SRBD1: variants seen among roughly 807,000 people sequenced by gnomAD.
The protein encoded by SRBD1 is S1 RNA-binding domain-containing protein 1.
In SRBD1, 88 loss-of-function variants were observed where a neutral mutation model predicts 115.3. The observed-to-expected ratio is 0.76, with a 90% confidence interval of 0.64 to 0.91. The LOEUF is 0.91. SRBD1 is among the 40% of genes least tolerant of loss of function. The pLI is 0.00. For missense variants in SRBD1, 1,385 were observed against 1,177.4 expected, an observed-to-expected ratio of 1.18 and a Z score of -2.58; for synonymous variants, 509 against 407.7, an observed-to-expected ratio of 1.25 and a Z score of -2.99.
At chr2:45,481,313 G>T (rs1024981118) in intron 15 of SRBD1, among the ~76,000 whole-genome samples, 1 of 152,102 alleles carries the variant, frequency 6.6e-6, no homozygotes, top group African/African-American at 2.4e-5. Flanking sequence ...GCGTTATTTA[G>T]TGGACAGTAA....
intron 18 of SRBD1, among the ~76,000 whole-genome samples, chr2:45,413,832 T>C (rs975355282): frequency 1.3e-5 from 2 of 152,006 alleles, no homozygotes; most frequent in Non-Finnish European, 2.9e-5. Context: ...CTTGGGAGGC[T>C]GAGGCAGGAG....
intron 16 of SRBD1, among the ~76,000 whole-genome samples, chr2:45,460,259 A>G (rs1458793879): frequency 6.6e-6 from 1 of 152,134 alleles, no homozygotes; most frequent in African/African-American, 2.4e-5. Flanking sequence ...ATGCCCGTAA[A>G]TTTGTATTTT....
At chr2:45,438,982 C>T (rs1668581418) in intron 16 of SRBD1, among the ~76,000 whole-genome samples, 1 of 151,886 alleles carries the variant, frequency 6.6e-6, no homozygotes, top group Non-Finnish European at 1.5e-5. Context: ...TCAAAGTAGC[C>T]AGAGAGAATG....
intron 19 of SRBD1, among the ~76,000 whole-genome samples, chr2:45,397,768 T>A (rs1416509942): frequency 6.6e-6 from 1 of 152,116 alleles, no homozygotes; most frequent in Non-Finnish European, 1.5e-5. Context: ...TTTTATTTTT[T>A]AAAAATGTTT....
chr2:45,458,956 A>T (rs1669231848), intron 16 of SRBD1, among the ~76,000 whole-genome samples: 1 of 152,168 alleles, frequency 6.6e-6, no homozygotes, highest in Admixed American at 6.5e-5. Context: ...TAATTACATG[A>T]TGAGAAACAG....
intron 1 of SRBD1, among the ~76,000 whole-genome samples, chr2:45,607,584 T>C (rs894524491): frequency 1.3e-5 from 2 of 151,818 alleles, no homozygotes; most frequent in Non-Finnish European, 2.9e-5. Flanking sequence ...AAGCCAGTAG[T>C]GGGAGCATAT....
intron 16 of SRBD1, among the ~76,000 whole-genome samples, chr2:45,431,673 T>C (rs1668341913): frequency 6.6e-6 from 1 of 152,162 alleles, no homozygotes; most frequent in Admixed American, 6.5e-5. Flanking sequence ...AAATACCTAA[T>C]GTGGATGATG....
At chr2:45,607,757 T>A (rs1674317881) in intron 1 of SRBD1, among the ~76,000 whole-genome samples, 1 of 152,208 alleles carries the variant, frequency 6.6e-6, no homozygotes, top group Non-Finnish European at 1.5e-5. Flanking sequence ...ATTAGGCAAC[T>A]GCCCCAGGAA....
chr2:45,454,318 G>T (rs564432315), intron 16 of SRBD1, among the ~76,000 whole-genome samples: 57 of 151,980 alleles, frequency 3.8e-4, no homozygotes, highest in African/African-American at 1.2e-3. Context: ...TCAATCTCAG[G>T]TGGTGGTAAA....
rs201226418 is a variant in SRBD1 at position 45,414,695 on chromosome 2, CAT to C, written c.2334-1404_2334-1403del. The stretch of plus-strand genomic sequence containing the variant: ...TATATAGTATGTATATACACACACA[CAT>C]AGTGTGTATATAGTATGTATATACA... On this transcript the variant is annotated intron_variant, in intron 18 of 20. Transcript: ENST00000263736. Among the ~76,000 whole-genome samples the C allele has an allele frequency of 6.5e-3, 871 of 133,874 alleles. 35 individuals are homozygous for C. Among genetic ancestry groups the C allele is most frequent in the African/African-American group, 0.016 (581 of 35,360 alleles). 87.8% of individuals were successfully genotyped at this position (133,874 alleles called of 152,430 possible). A position where few individuals can be genotyped will look rare whatever the true frequency, so the allele number is the denominator to read the frequency against.
chr2:45,554,690 A>C (rs1672416802), intron 10 of SRBD1, among the ~76,000 whole-genome samples: 1 of 152,198 alleles, frequency 6.6e-6, no homozygotes, highest in Non-Finnish European at 1.5e-5. Flanking sequence ...ACCTTATAAA[A>C]TTAATCAGGA....
At chr2:45,595,039 C>A (rs1044663381) in intron 4 of SRBD1, among the ~76,000 whole-genome samples, 2 of 152,134 alleles carry the variant, frequency 1.3e-5, no homozygotes, top group Non-Finnish European at 2.9e-5. Context: ...TAAAACCAAC[C>A]CCCCTGCTTA....
chr2:45,535,276 A>G (rs958059216), intron 14 of SRBD1, among the ~76,000 whole-genome samples: 2 of 152,022 alleles, frequency 1.3e-5, no homozygotes, highest in Non-Finnish European at 2.9e-5. Context: ...GACTATCAAT[A>G]GCTGTGCTGA....
chr2:45,401,976 G>C (rs1459819654), intron 19 of SRBD1, among the ~76,000 whole-genome samples: 1 of 152,212 alleles, frequency 6.6e-6, no homozygotes, highest in Non-Finnish European at 1.5e-5. Flanking sequence ...TCAAGGAGCA[G>C]TTCAGAGATG....
intron 16 of SRBD1, among the ~76,000 whole-genome samples, chr2:45,441,260 C>T (rs924443455): frequency 2.6e-5 from 4 of 152,182 alleles, no homozygotes; most frequent in African/African-American, 7.2e-5. Flanking sequence ...AGCCCAGGCA[C>T]TCCATGTGAT....
intron 1 of SRBD1, among the ~76,000 whole-genome samples, chr2:45,607,409 G>C (rs921068888): frequency 1.3e-5 from 2 of 152,054 alleles, no homozygotes; most frequent in African/African-American, 4.8e-5. Context: ...ATAACTAATA[G>C]TTTAAAATGT....
At chr2:45,546,235 T>G (rs532910794) in intron 14 of SRBD1, 26 of 985,412 alleles carry the variant, frequency 2.6e-5, no homozygotes, top group Non-Finnish European at 2.9e-5. Context: ...GTTATCTGTA[T>G]GCCTATATGA....
Position 45,443,190 on chromosome 2 carries a change from AG to A in SRBD1, c.2050-23297del, listed in dbSNP as rs1003441383. ...ATTTTAAAAAGACAAAAGTGAAAAC[AG>A]GAAGTCCTGGTAAGAGACTTTCTCA... On this transcript the variant is annotated intron_variant, in intron 16 of 20. Coordinates refer to ENST00000263736, the MANE Select transcript of SRBD1 (RefSeq NM_018079.5). Among the ~76,000 whole-genome samples, 4 of 152,226 alleles carry A rather than the reference AG, an allele frequency of 2.6e-5. 1 individual carries two copies. Among genetic ancestry groups the A allele is most frequent in the African/African-American group, 9.6e-5 (4 of 41,462 alleles).
At chr2:45,571,286 T>C (rs1673000548) in intron 9 of SRBD1, among the ~76,000 whole-genome samples, 1 of 152,088 alleles carries the variant, frequency 6.6e-6, no homozygotes, top group Admixed American at 6.5e-5. Flanking sequence ...ATTTTGTTTT[T>C]GTTTTTGGCT....
Sources: allele counts gnomAD v4.1 joint callset (sites outside exome capture counted in the v4.1 genomes callset), GRCh38; gene constraint gnomAD v4.1.1; transcripts MANE v1.5; gene names NCBI Gene and HGNC (gene_info 2026-07-23, HGNC 2026-07-21).